The following CNTN4 variants were observed in gnomAD, a reference collection of about 807,000 sequenced individuals.
The protein encoded by CNTN4 is contactin 4, also known as contactin-4.
A neutral mutation model predicts 122.5 loss-of-function variants in CNTN4; 77 were observed. The observed-to-expected ratio is 0.63, with a 90% CI of 0.52 to 0.76. The LOEUF (loss-of-function observed/expected upper bound fraction) is 0.76. CNTN4 is among the 30% of genes least tolerant of loss of function. The probability of loss-of-function intolerance (pLI) is 0.00; values close to 1 mark genes in which losing one functional copy is unlikely to be tolerated. For missense variants in CNTN4, 1,256 were observed against 1,259.1 expected (o/e 1.00, Z 0.04); for synonymous variants, 512 against 447.0 (o/e 1.15, Z -1.83).
At chr3:2,977,370 A>C (rs980752860) in intron 13 of CNTN4, among the ~76,000 whole-genome samples, 1 of 152,196 alleles carries the variant, frequency 6.6e-6, no homozygotes. Context: ...GTTTAATCCA[A>C]CCAACAAACT....
chr3:2,416,691 T>TC (rs1459456306), intron 3 of CNTN4, among the ~76,000 whole-genome samples: 1 of 151,690 alleles, frequency 6.6e-6, no homozygotes, highest in East Asian at 2.0e-4. Context: ...TCTCTGTCTG[T>TC]CGCCCAGGCT....
intron 12 of CNTN4, among the ~76,000 whole-genome samples, chr3:2,906,551 A>T (rs116800100): frequency 0.074 from 11,223 of 152,186 alleles, 461 homozygotes; most frequent in Middle Eastern, 0.14. Flanking sequence ...AAAAAGAAAG[A>T]TGGTGGCCGG....
intron 13 of CNTN4, among the ~76,000 whole-genome samples, chr3:2,955,518 AGAGT>A (rs1671919095): frequency 6.6e-6 from 1 of 152,232 alleles, no homozygotes; most frequent in Admixed American, 6.5e-5. Flanking sequence ...CCAGAAGGAC[AGAGT>A]GAGAATCATT....
At chr3:2,407,627 G>A (rs1045777943) in intron 3 of CNTN4, among the ~76,000 whole-genome samples, 40 of 152,122 alleles carry the variant, frequency 2.6e-4, no homozygotes, top group Admixed American at 8.5e-4. Context: ...CTTCGTACTT[G>A]CTTCCTCCTC....
intron 3 of CNTN4, among the ~76,000 whole-genome samples, chr3:2,513,546 G>A (rs2076952087): frequency 6.6e-6 from 1 of 151,856 alleles, no homozygotes; most frequent in South Asian, 2.1e-4. Context: ...TAGCAGAAAC[G>A]ATTGCCTTCT....
At chr3:2,932,121 T>G (rs1056779679) in intron 13 of CNTN4, among the ~76,000 whole-genome samples, 2 of 152,134 alleles carry the variant, frequency 1.3e-5, no homozygotes, top group African/African-American at 2.4e-5. Context: ...CTCACGCCTG[T>G]CATCCCAGCA....
intron 13 of CNTN4, among the ~76,000 whole-genome samples, chr3:2,943,612 TTA>T (rs1241870460): frequency 4.4e-4 from 55 of 124,172 alleles, no homozygotes; most frequent in Non-Finnish European, 5.2e-4. Context: ...ATAAATATAT[TTA>T]TATATATATA....
At chr3:2,332,155 A>G (rs1469403078) in intron 2 of CNTN4, among the ~76,000 whole-genome samples, 2 of 152,158 alleles carry the variant, frequency 1.3e-5, no homozygotes, top group African/African-American at 4.8e-5. Context: ...GGAAAACTTT[A>G]GATTTCAGGA....
chr3:2,540,424 A>T (rs1309020579), intron 3 of CNTN4, among the ~76,000 whole-genome samples: 1 of 151,942 alleles, frequency 6.6e-6, no homozygotes, highest in Admixed American at 6.6e-5. Context: ...GCCGACTGAG[A>T]GAGTGGAGGC....
chr3:2,564,526 C>T (rs999607567), intron 3 of CNTN4, among the ~76,000 whole-genome samples: 1 of 152,096 alleles, frequency 6.6e-6, no homozygotes, highest in African/African-American at 2.4e-5. Flanking sequence ...GCATATATAA[C>T]CTTCTTCTTA....
At chr3:2,993,400 C>A (rs778826893) in intron 14 of CNTN4, among the ~76,000 whole-genome samples, 3 of 151,064 alleles carry the variant, frequency 2.0e-5, no homozygotes, top group Non-Finnish European at 2.9e-5. Flanking sequence ...CGGGCTCAAG[C>A]GATTCTCCTG....
intron 3 of CNTN4, among the ~76,000 whole-genome samples, chr3:2,566,587 TAAA>T (rs2079168748): frequency 6.6e-6 from 1 of 152,192 alleles, no homozygotes. Flanking sequence ...TTCATAAAGT[TAAA>T]AATCTATTTG....
chr3:2,356,862 C>A (rs1219654231), intron 3 of CNTN4, among the ~76,000 whole-genome samples: 32 of 152,110 alleles, frequency 2.1e-4, no homozygotes, highest in Non-Finnish European at 1.5e-5. Flanking sequence ...TTGGCTTTGG[C>A]CTTCTTTGGA....
chr3:2,692,436 G>C (rs1576471661), intron 4 of CNTN4, among the ~76,000 whole-genome samples: 2 of 152,228 alleles, frequency 1.3e-5, no homozygotes, highest in East Asian at 3.9e-4. Flanking sequence ...GATTGGGGCT[G>C]GAGAGAGGGA....
chr3:2,494,329 A>C (rs991182644), intron 3 of CNTN4, among the ~76,000 whole-genome samples: 1 of 152,184 alleles, frequency 6.6e-6, no homozygotes, highest in Non-Finnish European at 1.5e-5. Context: ...TTGTCCAGAA[A>C]GGTGGTAGAA....
At chr3:2,154,597 A>G (rs1394135043) in intron 2 of CNTN4, among the ~76,000 whole-genome samples, 1 of 152,226 alleles carries the variant, frequency 6.6e-6, no homozygotes, top group African/African-American at 2.4e-5. Context: ...GGATTAAACA[A>G]CAACAGCAAA....
chr3:2,419,418 T>C (rs1349058349), intron 3 of CNTN4, among the ~76,000 whole-genome samples: 2 of 152,138 alleles, frequency 1.3e-5, no homozygotes, highest in African/African-American at 4.8e-5. Flanking sequence ...TCTCATGTGT[T>C]CAGGATATAT....
At chr3:2,153,210 G>A (rs1476662498) in intron 2 of CNTN4, among the ~76,000 whole-genome samples, 1 of 152,156 alleles carries the variant, frequency 6.6e-6, no homozygotes, top group African/African-American at 2.4e-5. Context: ...CATACCAATG[G>A]TATTTAAAAC....
intron 4 of CNTN4, among the ~76,000 whole-genome samples, chr3:2,657,112 C>T (rs953898592): frequency 1.3e-5 from 2 of 152,098 alleles, no homozygotes; most frequent in East Asian, 1.9e-4. Context: ...AAAATAAATA[C>T]GTAGGTTAAT....
Sources: allele counts gnomAD v4.1 joint callset (sites outside exome capture counted in the v4.1 genomes callset), GRCh38; gene constraint gnomAD v4.1.1; transcripts MANE v1.5; gene names NCBI Gene and HGNC (gene_info 2026-07-23, HGNC 2026-07-21).